The following SEC23B variants were observed in gnomAD, a reference collection of about 807,000 sequenced individuals.
SEC23B encodes SEC23 homolog B, COPII component.
In SEC23B, 77 loss-of-function variants were observed where a neutral mutation model predicts 104.3. The ratio of observed to expected loss-of-function variants is 0.74; its 90% CI spans 0.61 to 0.89. The LOEUF is 0.89. Ranked by LOEUF, SEC23B falls within the 40% of genes least tolerant of loss-of-function variation. The pLI, the probability that SEC23B is intolerant of heterozygous loss-of-function variation, is 0.00. For missense variants in SEC23B, 885 were observed against 949.4 expected (o/e 0.93, Z 0.89); for synonymous variants, 338 against 332.5 (o/e 1.02, Z -0.18).
chr20:18,552,804 ACTCTGT>A (rs2060400666), intron 17 of SEC23B, among the ~76,000 whole-genome samples: 1 of 152,106 alleles, frequency 6.6e-6, no homozygotes, highest in African/African-American at 2.4e-5. Flanking sequence ...ACAGAGTGAG[ACTCTGT>A]CTCAAAAAAC....
intron 16 of SEC23B, among the ~76,000 whole-genome samples, chr20:18,549,125 A>G (rs902420781): frequency 6.6e-6 from 1 of 152,196 alleles, no homozygotes; most frequent in Non-Finnish European, 1.5e-5. Context: ...AGGAACTACT[A>G]TAATAGAGGA....
At chr20:18,527,109 C>T (rs6112009) in intron 8 of SEC23B, among the ~76,000 whole-genome samples, 103,612 of 152,158 alleles carry the variant, frequency 0.68, 36,716 homozygotes, top group Non-Finnish European at 0.8. Context: ...TTCAGCTACT[C>T]GGGAGGCTGA....
intron 17 of SEC23B, among the ~76,000 whole-genome samples, chr20:18,553,859 G>C (rs2122171304): frequency 6.6e-6 from 1 of 152,330 alleles, no homozygotes; most frequent in South Asian, 2.1e-4. Context: ...TGTGTGGGCA[G>C]CCAACAAATC....
rs2060018628 is a variant in SEC23B at position 18,515,684 on chromosome 20, A to G, written c.314A>G (p.Asn105Ser). Residue 105 changes from asparagine to serine, a missense_variant, in exon 4 of 20, where the codon AAT becomes AGT. Asn to Ser is a conservative substitution (Grantham distance 46). Transcript: ENST00000650089. Reference sequence around the variant, plus strand: ...GCTTATGGAGGCATATCTGAGGTGAATCAACCTGCCGAATTGATGCCCCAG... The same window carrying G: ...GCTTATGGAGGCATATCTGAGGTGAGTCAACCTGCCGAATTGATGCCCCAG... ...PPAYGGISEVNQPAELMPQFS... is the reference protein window; with the variant it reads ...PPAYGGISEVSQPAELMPQFS... 9 of 1,612,560 alleles carry G rather than the reference A, an allele frequency of 5.6e-6. No homozygotes were observed. In the South Asian group the frequency reaches 7.7e-5, roughly 14 times the overall value.
At chr20:18,512,614 A>G (rs895174413) in intron 3 of SEC23B, among the ~76,000 whole-genome samples, 3 of 152,166 alleles carry the variant, frequency 2.0e-5, no homozygotes, top group Non-Finnish European at 4.4e-5. Context: ...TTCTGATTGG[A>G]TAGTGTATAT....
At chr20:18,550,806 CA>C (rs2060380400) in intron 16 of SEC23B, among the ~76,000 whole-genome samples, 1 of 146,236 alleles carries the variant, frequency 6.8e-6, no homozygotes, top group African/African-American at 2.5e-5. Flanking sequence ...GGCTGGGTAA[CA>C]GAGCAACACC....
At position 18,527,552 on chromosome 20, in the gene SEC23B, T is replaced by C. The variant is rs1568607747; in HGVS notation, c.1050T>C (p.Tyr350=). 6.2e-7 allele frequency: 1 copy of C among 1,613,980 alleles called. No homozygotes were observed. The highest frequency in any genetic ancestry group is 8.5e-7 in the Non-Finnish European group (1 of 1,179,808). The change falls in exon 9 of 20, where the codon TAT becomes TAC. Residue 350 remains tyrosine (Y), a synonymous_variant. Transcript: ENST00000650089. ...TAANGHCIDI[Y]ACALDQTGLL... is the part of the protein sequence containing the mutation. ...CAAATGGTCACTGCATTGATATTTA[T>C]GCTTGTGCCCTTGATCAAACTGGAC...
intron 12 of SEC23B, among the ~76,000 whole-genome samples, chr20:18,537,642 T>C (rs556652892): frequency 1.6e-3 from 246 of 152,198 alleles, no homozygotes; most frequent in South Asian, 2.3e-3. Flanking sequence ...TGCTAAATGA[T>C]GAGTTAATGG....
rs918324418 is a variant in SEC23B at position 18,530,902 on chromosome 20, A to G, written c.1233+99A>G. 4.2e-6 allele frequency: 4 copies of G among 945,712 alleles called. No homozygotes were observed. In the South Asian group the frequency reaches 4.3e-5, roughly 10 times the overall value. The allele number at this position is 945,712 out of a possible 1,614,324, so 58.6% of individuals were successfully genotyped here. On this transcript the variant is annotated intron_variant, in intron 10 of 19. Transcript: ENST00000650089. ...GGCAATTTTCCCGCCTCAGCGTCCTAAAGTGCTGGGATTATGAGGCATGAG... is the reference window on the plus strand; with the variant it reads ...GGCAATTTTCCCGCCTCAGCGTCCTGAAGTGCTGGGATTATGAGGCATGAG...
chr20:18,560,847 C>A lies in SEC23B; in HGVS notation c.*107C>A. On this transcript the variant is annotated 3_prime_UTR_variant, in exon 20 of 20. Coordinates refer to ENST00000650089, the MANE Select transcript of SEC23B (RefSeq NM_006363.6). ...TTTCTAGCAGATTTTAACAAATAAT[C>A]AAGGACATTTTATATGTAACTCTTT... 1.2e-6 allele frequency: 1 copy of A among 837,716 alleles called. No homozygotes were observed. The allele number at this position is 837,716 out of a possible 1,614,324, so 51.9% of individuals were successfully genotyped here.
intron 9 of SEC23B, among the ~76,000 whole-genome samples, chr20:18,528,888 G>A (rs1482851061): frequency 6.6e-6 from 1 of 152,226 alleles, no homozygotes; most frequent in African/African-American, 2.4e-5. Context: ...ATAGCTCAAG[G>A]TGAGCCAACA....
chr20:18,543,153 A>G lies in SEC23B; in HGVS notation c.1646A>G (p.Asp549Gly). 1 of 1,614,146 alleles carries G rather than the reference A, an allele frequency of 6.2e-7. No individual in the cohort carries two copies. Among genetic ancestry groups the G allele is most frequent in the Non-Finnish European group, 8.5e-7 (1 of 1,180,022 alleles). The stretch of plus-strand genomic sequence containing the variant: ...GGGCCCGATGTGCTCCGGTGGCTGG[A>G]CCGACAACTCATCCGACTGGTAAAT... Reference protein sequence around the residue: ...EEGPDVLRWLDRQLIRLCQKF... With the variant: ...EEGPDVLRWLGRQLIRLCQKF... Residue 549 changes from aspartate to glycine, a missense_variant, in exon 14 of 20, where the codon GAC becomes GGC. Coordinates refer to ENST00000650089, the MANE Select transcript of SEC23B (RefSeq NM_006363.6).
chr20:18,526,725 AAACTACTCAAAGGGTTTT>A (rs2060137482), intron 8 of SEC23B, among the ~76,000 whole-genome samples, 194 bp downstream of exon 8: 3 of 152,202 alleles, frequency 2.0e-5, no homozygotes, highest in Non-Finnish European at 2.9e-5. Context: ...GGTGGCCTTA[AAACTACTCAAAGGGTTTT>A]GAGAATGAAA....
chr20:18,536,691 C>CA (rs533442421), intron 12 of SEC23B, among the ~76,000 whole-genome samples: 1,785 of 113,522 alleles, frequency 0.016, 13 homozygotes, highest in Middle Eastern at 0.032. Context: ...GACTCCATCT[C>CA]AAAAAAAAAA....
At chr20:18,526,583 G>C (rs1403956446) in intron 8 of SEC23B, 52 bp downstream of exon 8, 17 of 1,599,414 alleles carry the variant, frequency 1.1e-5, no homozygotes, top group Non-Finnish European at 1.4e-5. Context: ...TGTCAGGTTT[G>C]GGCTGCTCTG....
intron 2 of SEC23B, among the ~76,000 whole-genome samples, chr20:18,511,479 T>G (rs1266130295): frequency 6.7e-6 from 1 of 148,176 alleles, no homozygotes; most frequent in African/African-American, 2.5e-5. Flanking sequence ...GAAGAAATTT[T>G]AACTGTTAAC....
intron 10 of SEC23B, 96 bp from the exon 11 acceptor site, chr20:18,532,568 T>C: frequency 3.4e-6 from 3 of 885,998 alleles, no homozygotes. Flanking sequence ...AGAATAGTAG[T>C]GTTATATTTT....
intron 13 of SEC23B, 103 bp downstream of exon 13, chr20:18,542,505 G>C: frequency 8.6e-7 from 1 of 1,163,966 alleles, no homozygotes. Flanking sequence ...TCCATTGAAT[G>C]GTTCTCACCA....
In SEC23B at chr20:18,507,970, T is replaced by TAGGTGAGCGGCTCCGGCC. The variant is rs1359025791; in HGVS notation, c.-15+9_-15+26dup. On this transcript the variant is annotated splice_region_variant and 5_prime_UTR_variant, in exon 1 of 20. Transcript: ENST00000650089. ...AGCTGTGGGTGAGGACGGCTCTAGC[T>TAGGTGAGCGGCTCCGGCC]AGGTGAGCGGCTCCGGCCAGGTGAG... 4.6e-5 allele frequency: 7 copies of TAGGTGAGCGGCTCCGGCC among 152,608 alleles called. No individual in the cohort carries two copies. The highest frequency in any genetic ancestry group is 1.3e-4 in the Admixed American group (2 of 15,274). 9.5% of individuals were successfully genotyped at this position (152,608 alleles called of 1,614,324 possible).
Sources: gnomAD v4.1 joint callset for allele counts (sites outside exome capture counted in the v4.1 genomes callset) on GRCh38, gnomAD v4.1.1 for gene constraint, MANE v1.5 for transcripts, NCBI Gene and HGNC (gene_info 2026-07-23, HGNC 2026-07-21) for gene names.